BLTP1: variants seen among roughly 807,000 people sequenced by gnomAD.
The protein encoded by BLTP1 is fragile site-associated protein.
the BLTP1 span, chr4:122,170,061 C>T: frequency 1.9e-4 from 172 of 897,156 alleles, no homozygotes; most frequent in Admixed American, 4.3e-4. Context: ...AATCCCAGCA[C>T]TTTGGGAGGT....
At chr4:122,194,669 T>C in the BLTP1 span, 9 of 929,432 alleles carry the variant, frequency 9.7e-6, no homozygotes, top group Non-Finnish European at 1.0e-5. Flanking sequence ...GAAGTGTGTT[T>C]GCATTTTTTA....
chr4:122,202,478 C>A, the BLTP1 span: 1 of 463,406 alleles, frequency 2.2e-6, no homozygotes, highest in Non-Finnish European at 2.8e-6. Context: ...TGTCCAGGGT[C>A]ACACTTGGTT....
the BLTP1 span, among the ~76,000 whole-genome samples, chr4:122,219,869 A>G: frequency 3.3e-5 from 5 of 152,112 alleles, no homozygotes; most frequent in Non-Finnish European, 7.4e-5. Context: ...TGGGTGTTCA[A>G]GGACTTTACA....
the BLTP1 span, chr4:122,247,648 T>C: frequency 8.4e-7 from 1 of 1,193,070 alleles, no homozygotes; most frequent in Non-Finnish European, 1.1e-6. Context: ...GCTATTTACT[T>C]GCTCGTTATA....
At chr4:122,250,359 T>C in the BLTP1 span, 4 of 1,592,912 alleles carry the variant, frequency 2.5e-6, no homozygotes, top group Admixed American at 6.7e-5. Context: ...TTTATTTTTA[T>C]AGGAGGAAGA....
At chr4:122,268,703 C>T in the BLTP1 span, among the ~76,000 whole-genome samples, 1 of 151,980 alleles carries the variant, frequency 6.6e-6, no homozygotes, top group African/African-American at 2.4e-5. Flanking sequence ...TGTCCAATTC[C>T]CTCATTTGAT....
At chr4:122,331,704 T>A in the BLTP1 span, 1 of 979,546 alleles carries the variant, frequency 1.0e-6, no homozygotes, top group Non-Finnish European at 1.2e-6. Flanking sequence ...TACAGTTTCT[T>A]ATAAACAAGT....
chr4:122,249,410 A>G, the BLTP1 span: 61 of 1,556,436 alleles, frequency 3.9e-5, 1 homozygote, highest in Admixed American at 1.1e-3. Context: ...AGTGTGCCAT[A>G]TGTCCAAATG....
the BLTP1 span, chr4:122,209,025 AAAAAT>A: frequency 1.0e-6 from 1 of 990,020 alleles, no homozygotes; most frequent in Non-Finnish European, 1.3e-6. Context: ...ACAATAAAAT[AAAAAT>A]AAATAAAATT....
At chr4:122,163,758 T>C in the BLTP1 span, among the ~76,000 whole-genome samples, 1 of 152,178 alleles carries the variant, frequency 6.6e-6, no homozygotes, top group South Asian at 2.1e-4. Flanking sequence ...AGCTATAATT[T>C]CAGAACTGAC....
At chr4:122,230,176 A>T in the BLTP1 span, 1 of 1,614,090 alleles carries the variant, frequency 6.2e-7, no homozygotes, top group East Asian at 2.2e-5. Context: ...AGGCACAAAG[A>T]CATTTCTTAG....
At chr4:122,334,059 C>T in the BLTP1 span, among the ~76,000 whole-genome samples, 1 of 152,028 alleles carries the variant, frequency 6.6e-6, no homozygotes, top group Non-Finnish European at 1.5e-5. Flanking sequence ...AACAAACTTG[C>T]TAAACCTTGC....
At chr4:122,288,110 A>T in the BLTP1 span, among the ~76,000 whole-genome samples, 1 of 152,208 alleles carries the variant, frequency 6.6e-6, no homozygotes, top group Non-Finnish European at 1.5e-5. Flanking sequence ...CCTGAAATAA[A>T]CATACCTGAA....
At chr4:122,315,638 G>T in the BLTP1 span, 1 of 1,614,024 alleles carries the variant, frequency 6.2e-7, no homozygotes, top group Admixed American at 1.7e-5. Flanking sequence ...GAACATAGCT[G>T]ACCTGTCAGA....
chr4:122,226,434 C>A, the BLTP1 span: 1 of 1,193,736 alleles, frequency 8.4e-7, no homozygotes, highest in South Asian at 2.2e-5. Flanking sequence ...AAAGGATTTG[C>A]GTTAAAAGTT....
chr4:122,179,583 C>A, the BLTP1 span, among the ~76,000 whole-genome samples: 1 of 152,156 alleles, frequency 6.6e-6, no homozygotes, highest in African/African-American at 2.4e-5. Flanking sequence ...CTTTCATCCT[C>A]CGTACCTGTA....
At chr4:122,237,519 A>C in the BLTP1 span, 1 of 456,206 alleles carries the variant, frequency 2.2e-6, no homozygotes, top group African/African-American at 2.1e-5. Context: ...AATGCTTAAA[A>C]TAAGTAAATC....
chr4:122,238,262 G>A, the BLTP1 span: 1 of 1,614,090 alleles, frequency 6.2e-7, no homozygotes, highest in Non-Finnish European at 8.5e-7. Flanking sequence ...GTTGGCTGGT[G>A]AAAAGGAAAG....
chr4:122,153,189 T>C, the BLTP1 span: 70 of 216,712 alleles, frequency 3.2e-4, no homozygotes, highest in Admixed American at 2.9e-3. Context: ...TACCTTCCTG[T>C]TGGCCTTAGT....
Sources: gnomAD v4.1 joint callset for allele counts (sites outside exome capture counted in the v4.1 genomes callset) on GRCh38, gnomAD v4.1.1 for gene constraint, MANE v1.5 for transcripts, NCBI Gene and HGNC (gene_info 2026-07-23, HGNC 2026-07-21) for gene names.